The following CA11 variants were observed in gnomAD, a reference collection of about 807,000 sequenced individuals.
CA11 encodes the protein carbonic anhydrase 11 (inactive).
In CA11, 20 loss-of-function variants were observed where a neutral mutation model predicts 39.3. That is an observed-to-expected ratio of 0.51 (90% CI 0.36 to 0.74). CA11 has a LOEUF of 0.74. Ranked by LOEUF, CA11 falls within the 30% of genes least tolerant of loss-of-function variation. The pLI, the probability that CA11 is intolerant of heterozygous loss-of-function variation, is 0.00. For missense variants in CA11, 336 were observed against 424.6 expected (o/e 0.79, Z 1.83); for synonymous variants, 166 against 172.5 (o/e 0.96, Z 0.29).
chr19:48,643,460 G>A lies in CA11; in HGVS notation c.285+967C>T, dbSNP rs1383693257. On this transcript the variant is annotated intron_variant, in intron 3 of 8. Coordinates refer to ENST00000084798, the MANE Select transcript of CA11 (RefSeq NM_001217.5). The surrounding 1 kb of genome is among the most constrained non-coding windows in gnomAD (Gnocchi z 4.3). ...CCTAACCTCGTGATCCACCCACCTCGGCCTCCCGAAGTGCTGGGGTTACAG... is the reference window on the plus strand; with the variant it reads ...CCTAACCTCGTGATCCACCCACCTCAGCCTCCCGAAGTGCTGGGGTTACAG... Among the ~76,000 whole-genome samples, 5 of 151,938 alleles carry A rather than the reference G, an allele frequency of 3.3e-5. No homozygotes were observed. The highest frequency in any genetic ancestry group is 1.3e-4 in the Admixed American group (2 of 15,234).
intron 3 of CA11, among the ~76,000 whole-genome samples, chr19:48,641,695 A>G (rs1020649880): frequency 6.6e-6 from 1 of 151,936 alleles, no homozygotes; most frequent in Non-Finnish European, 1.5e-5. Flanking sequence ...CCCAGGCTAG[A>G]TTGCAGTGGT....
At chr19:48,644,653 G>T in intron 2 of CA11, 84 bp from the exon 3 acceptor site, 1 of 1,202,422 alleles carries the variant, frequency 8.3e-7, no homozygotes, top group South Asian at 1.9e-5. Context: ...GTGGGCTGTG[G>T]TCTGGACTCC....
chr19:48,640,576 G>C (rs2031043621), intron 3 of CA11, among the ~76,000 whole-genome samples: 1 of 151,600 alleles, frequency 6.6e-6, no homozygotes, highest in African/African-American at 2.4e-5. Flanking sequence ...GTTTCTCCAC[G>C]TTGGTCAGGC....
intron 3 of CA11, among the ~76,000 whole-genome samples, chr19:48,642,788 G>A (rs2031129485): frequency 6.6e-6 from 1 of 152,122 alleles, no homozygotes; most frequent in African/African-American, 2.4e-5. Flanking sequence ...GGCGTGATAG[G>A]TGAAAGGATT....
At chr19:48,644,364 C>T (rs1306827091) in intron 3 of CA11, 63 bp downstream of exon 3, 8 of 1,453,376 alleles carry the variant, frequency 5.5e-6, no homozygotes, top group African/African-American at 1.4e-5. Context: ...GCACCCCATT[C>T]CCCAGCCTCT....
At position 48,645,856 on chromosome 19, in the gene CA11, C is replaced by T. The variant is rs1020641702; in HGVS notation, c.-224G>A. The T allele has an allele frequency of 5.7e-6, 3 of 528,666 alleles. No individual in the cohort carries two copies. The African/African-American group carries it at 6.0e-5, about 10-fold the overall frequency. 32.7% of individuals were successfully genotyped at this position (528,666 alleles called of 1,614,324 possible). ...TCTCTCTGTGTCTTTCCTCTTTCCT[C>T]TGCTCTTTTCCCGGAACCCTCCAGT... On this transcript the variant is annotated 5_prime_UTR_variant, in exon 1 of 9. Transcript: ENST00000084798.
At position 48,639,631 on chromosome 19, in the gene CA11, G is replaced by C. The variant is rs1162818150; in HGVS notation, c.568-10C>G. The C allele has an allele frequency of 6.2e-7, 1 of 1,613,614 alleles. No individual in the cohort carries two copies. The highest frequency in any genetic ancestry group is 1.7e-5 in the Admixed American group (1 of 59,978). On this transcript the variant is annotated splice_polypyrimidine_tract_variant and intron_variant, in intron 5 of 8. Coordinates refer to ENST00000084798, the MANE Select transcript of CA11 (RefSeq NM_001217.5). ...TAGAGGTACTGGCAACCTGTGTGGG[G>C]GTACGAGGTGAGGACACAGGAGCCC...
intron 8 of CA11, chr19:48,638,435 G>A: frequency 1.9e-6 from 2 of 1,029,884 alleles, no homozygotes; most frequent in Non-Finnish European, 2.4e-6. Flanking sequence ...AGATTCCTGG[G>A]CTAAACCACA....
chr19:48,645,007 GTTC>G (rs1357151692), intron 2 of CA11, among the ~76,000 whole-genome samples: 1 of 152,110 alleles, frequency 6.6e-6, no homozygotes, highest in East Asian at 1.9e-4. Flanking sequence ...GGGAGTTGTA[GTTC>G]TTTTTTTTAA....
At position 48,639,816 on chromosome 19, in the gene CA11, C is replaced by G. The variant is rs1280737421; in HGVS notation, c.539G>C (p.Gly180Ala). 4 of 1,614,112 alleles carry G rather than the reference C, an allele frequency of 2.5e-6. No individual in the cohort carries two copies. The South Asian group carries it at 4.4e-5, about 18-fold the overall frequency. Residue 180 changes from glycine (G) to alanine (A), a missense_variant, in exon 5 of 9, where the codon GGC becomes GCC. Coordinates refer to ENST00000084798, the MANE Select transcript of CA11 (RefSeq NM_001217.5). ...GACAAAGAGGCTGAGAATGGCCAGG[C>G]CATTGGGGCCGCGGGAGGCAGCGCT... ...NFSAASRGPNGLAILSLFVNV... is the reference protein window; with the variant it reads ...NFSAASRGPNALAILSLFVNV...
chr19:48,639,628 G>A lies in CA11; in HGVS notation c.568-7C>T. The A allele has an allele frequency of 6.2e-7, 1 of 1,613,652 alleles. No individual in the cohort carries two copies. Among genetic ancestry groups the A allele is most frequent in the Non-Finnish European group, 8.5e-7 (1 of 1,179,802 alleles). On this transcript the variant is annotated splice_region_variant and splice_polypyrimidine_tract_variant and intron_variant, in intron 5 of 8. Coordinates refer to ENST00000084798, the MANE Select transcript of CA11 (RefSeq NM_001217.5). ...GGTTAGAGGTACTGGCAACCTGTGT[G>A]GGGGTACGAGGTGAGGACACAGGAG...
At chr19:48,645,125 A>G (rs921279293) in intron 2 of CA11, among the ~76,000 whole-genome samples, 1 of 152,140 alleles carries the variant, frequency 6.6e-6, no homozygotes, top group Non-Finnish European at 1.5e-5. Flanking sequence ...TCTGGTTCCT[A>G]GCAGGAGCCA....
Position 48,640,134 on chromosome 19 carries a change from G to A in CA11, c.432C>T (p.Gly144=), listed in dbSNP as rs2031022275. The change falls in exon 4 of 9, where the codon GGC becomes GGT. Residue 144 remains glycine, a synonymous_variant. Transcript: ENST00000084798. The part of the protein sequence containing the change: ...RLLFGARDGA[G]SEHQINHQGF... ...CCTGGTGGTTGATCTGATGTTCCGA[G>A]CCGGCTCCGTCGCGAGCTCCAAACA... 8.7e-6 allele frequency: 14 copies of A among 1,613,918 alleles called. No homozygotes were observed. The highest frequency in any genetic ancestry group is 1.2e-5 in the Non-Finnish European group (14 of 1,179,970).
At chr19:48,639,912 CCAG>C in intron 4 of CA11, 29 bp from the exon 5 acceptor site, 3 of 1,599,088 alleles carry the variant, frequency 1.9e-6, no homozygotes, top group Non-Finnish European at 2.6e-6. Flanking sequence ...ATGGGGTCCC[CCAG>C]CAGAAGGGGA....
Position 48,639,597 on chromosome 19 carries a change from G to T in CA11, c.592C>A (p.Leu198Ile). 6.2e-7 allele frequency: 1 copy of T among 1,614,006 alleles called. No homozygotes were observed. The highest frequency in any genetic ancestry group is 8.5e-7 in the Non-Finnish European group (1 of 1,179,972). ...GTGTCGCGGTTAAGGAGGCGACTGA[G>T]GAATGGGTTAGAGGTACTGGCAACC... ...VNVASTSNPF[L>I]SRLLNRDTIT... The change falls in exon 6 of 9, where the codon CTC becomes ATC. Residue 198 changes from leucine to isoleucine, a missense_variant. Transcript: ENST00000084798.
In CA11 at chr19:48,646,037, C is replaced by A; in HGVS notation, c.-405G>T. On this transcript the variant is annotated 5_prime_UTR_variant, in exon 1 of 9. Transcript: ENST00000084798. ...TCTCCATCCCGCATCTCCTCCTCCT[C>A]CTCCCTCTCTCCTTTCCAGCTCCTG... 2.6e-6 allele frequency: 1 copy of A among 391,248 alleles called. No homozygotes were observed. Among genetic ancestry groups the A allele is most frequent in the Non-Finnish European group, 4.5e-6 (1 of 220,884 alleles). The allele number at this position is 391,248 out of a possible 1,614,324, so 24.2% of individuals were successfully genotyped here.
intron 2 of CA11, 137 bp downstream of exon 2, chr19:48,645,266 C>T (rs926672618): frequency 2.8e-6 from 2 of 712,200 alleles, no homozygotes; most frequent in African/African-American, 1.8e-5. Context: ...AGAAGCTGGC[C>T]CGACTCCTGA....
chr19:48,645,580 G>A lies in CA11; in HGVS notation c.53C>T (p.Ala18Val). Reference protein sequence around the residue: ...SAPRALVLWAALGAAAHIGPA... With the variant: ...SAPRALVLWAVLGAAAHIGPA... ...CCAGGTCTTACCTGCTGCCCCCAGTGCAGCCCAGAGTACCAGCGCTCGAGG... is the reference window on the plus strand; with the variant it reads ...CCAGGTCTTACCTGCTGCCCCCAGTACAGCCCAGAGTACCAGCGCTCGAGG... Residue 18 changes from alanine to valine, a missense_variant, in exon 1 of 9, where the codon GCA becomes GTA. Ala to Val is a moderately conservative substitution (Grantham distance 64). Coordinates refer to ENST00000084798, the MANE Select transcript of CA11 (RefSeq NM_001217.5). 1 of 1,605,500 alleles carries A rather than the reference G, an allele frequency of 6.2e-7. No homozygotes were observed. The highest frequency in any genetic ancestry group is 8.5e-7 in the Non-Finnish European group (1 of 1,176,188).
chr19:48,645,860 T>C lies in CA11; in HGVS notation c.-228A>G. 2 of 526,016 alleles carry C rather than the reference T, an allele frequency of 3.8e-6. No individual in the cohort carries two copies. Among genetic ancestry groups the C allele is most frequent in the South Asian group, 5.5e-5 (2 of 36,064 alleles). 32.6% of individuals were successfully genotyped at this position (526,016 alleles called of 1,614,324 possible). On this transcript the variant is annotated 5_prime_UTR_variant, in exon 1 of 9. Coordinates refer to ENST00000084798, the MANE Select transcript of CA11 (RefSeq NM_001217.5). ...TCTGTGTCTTTCCTCTTTCCTCTGC[T>C]CTTTTCCCGGAACCCTCCAGTCTCC...
Sources: gnomAD v4.1 joint callset for allele counts (sites outside exome capture counted in the v4.1 genomes callset) on GRCh38, gnomAD v4.1.1 for gene constraint, Gnocchi (gnomAD v3.1) non-coding constraint, MANE v1.5 for transcripts, NCBI Gene and HGNC (gene_info 2026-07-23, HGNC 2026-07-21) for gene names.